Variants in ITSN2 observed in about 807,000 individuals in gnomAD.
ITSN2 encodes the protein intersectin 2, also known as intersectin-2.
In ITSN2, 156 loss-of-function variants were observed where a neutral mutation model predicts 243.7. The ratio of observed to expected loss-of-function variants is 0.64; its 90% CI spans 0.56 to 0.73. ITSN2 has a LOEUF of 0.73. ITSN2 is among the 30% of genes least tolerant of loss of function. The probability of loss-of-function intolerance (pLI) is 0.00; values close to 1 mark genes in which losing one functional copy is unlikely to be tolerated. For synonymous variants in ITSN2, 703 were observed against 699.9 expected, an observed-to-expected ratio of 1.00 and a Z score of -0.07; for missense variants, 1,801 against 1,996.1, an observed-to-expected ratio of 0.90 and a Z score of 1.86.
intron 2 of ITSN2, among the ~76,000 whole-genome samples, chr2:24,323,283 A>C (rs1430221344): frequency 6.6e-6 from 1 of 152,228 alleles, no homozygotes; most frequent in East Asian, 1.9e-4. Flanking sequence ...TCTGATGGTT[A>C]TAGCAGATTT....
At chr2:24,294,813 G>A (rs1402728093) in intron 14 of ITSN2, among the ~76,000 whole-genome samples, 2 of 152,144 alleles carry the variant, frequency 1.3e-5, no homozygotes, top group Admixed American at 1.3e-4. Context: ...AACTCCCAAT[G>A]CAGTACTATT....
In ITSN2 at chr2:24,216,626, C is replaced by T. The variant is rs893223892; in HGVS notation, c.3807-394G>A. ...AAAATTAGCTGGGCATGGTGGTGCACGCCTGTAGTTCCAGCTACTCCGGAG... is the reference window on the plus strand; with the variant it reads ...AAAATTAGCTGGGCATGGTGGTGCATGCCTGTAGTTCCAGCTACTCCGGAG... On this transcript the variant is annotated intron_variant, in intron 31 of 39. Transcript: ENST00000355123. Among the ~76,000 whole-genome samples, 13 of 151,968 alleles carry T rather than the reference C, an allele frequency of 8.6e-5. No homozygotes were observed. The South Asian group carries it at 1.2e-3, about 15-fold the overall frequency.
intron 15 of ITSN2, among the ~76,000 whole-genome samples, chr2:24,292,277 A>G (rs59956591): frequency 0.04 from 6,162 of 152,314 alleles, 236 homozygotes; most frequent in East Asian, 0.21. Flanking sequence ...CACGTCCTCA[A>G]TAAGACATAT....
chr2:24,246,307 A>T lies in ITSN2; in HGVS notation c.3399T>A (p.Ile1133=). 6.2e-7 allele frequency: 1 copy of T among 1,603,766 alleles called. No homozygotes were observed. The highest frequency in any genetic ancestry group is 1.1e-5 in the South Asian group (1 of 90,150). ...TATTTGCTGCATAGTCATACATAGCAATCACCTGACATACTATCACAAGAA... is the reference window on the plus strand; with the variant it reads ...TATTTGCTGCATAGTCATACATAGCTATCACCTGACATACTATCACAAGAA... ...TPAFHPVCQV[I]AMYDYAANNE... Residue 1133 remains isoleucine, a synonymous_variant, in exon 29 of 40, where the codon ATT becomes ATA. Coordinates refer to ENST00000355123, the MANE Select transcript of ITSN2 (RefSeq NM_006277.3).
At chr2:24,263,550 C>T (rs2151408286) in intron 20 of ITSN2, among the ~76,000 whole-genome samples, 1 of 152,266 alleles carries the variant, frequency 6.6e-6, no homozygotes, top group Middle Eastern at 3.4e-3. Context: ...TCCTCTTGTT[C>T]CACCATAAGT....
chr2:24,253,195 C>T (rs1353149635), intron 24 of ITSN2, among the ~76,000 whole-genome samples: 1 of 152,138 alleles, frequency 6.6e-6, no homozygotes, highest in Non-Finnish European at 1.5e-5. Context: ...TTCTTTCTTT[C>T]TAGTTTTATT....
intron 1 of ITSN2, among the ~76,000 whole-genome samples, chr2:24,358,058 C>T (rs1688613848): frequency 6.6e-6 from 1 of 152,156 alleles, no homozygotes; most frequent in Non-Finnish European, 1.5e-5. Flanking sequence ...GGACTACAGG[C>T]GCACGCCACC....
At chr2:24,344,774 A>G (rs1325889648) in intron 1 of ITSN2, among the ~76,000 whole-genome samples, 2 of 152,166 alleles carry the variant, frequency 1.3e-5, no homozygotes, top group Non-Finnish European at 2.9e-5. Context: ...CAACATGGTA[A>G]AACTCCATCT....
chr2:24,349,134 TATC>T (rs1303527016), intron 1 of ITSN2, among the ~76,000 whole-genome samples: 3 of 151,972 alleles, frequency 2.0e-5, no homozygotes, highest in Non-Finnish European at 2.9e-5. Context: ...TCATCATCAT[TATC>T]ATCATCATCA....
At chr2:24,308,787 T>C (rs1482045971) in intron 7 of ITSN2, 31 bp from the exon 8 acceptor site, 4 of 1,144,276 alleles carry the variant, frequency 3.5e-6, no homozygotes, top group African/African-American at 1.6e-5. Context: ...AATTTTTATG[T>C]TACTAAATAA....
chr2:24,310,660 G>A lies in ITSN2; in HGVS notation c.385C>T (p.Gln129Ter). The change falls in exon 6 of 40, where the codon CAG becomes TAG. Residue 129 changes from glutamine to a stop codon, truncating the protein, a stop_gained. Coordinates refer to ENST00000355123, the MANE Select transcript of ITSN2 (RefSeq NM_006277.3). LOFTEE classifies it high-confidence loss of function. Reference protein sequence around the residue: ...MGSMPNLSIPQPLPPAAPITS... With the variant: ...MGSMPNLSIP ...ATAGGTGCAGCTGGAGGCAATGGCT[G>A]AGGAATGGACAGATTGGGCATGCTT... is the stretch of plus-strand genomic sequence containing the variant. 6.2e-7 allele frequency: 1 copy of A among 1,614,124 alleles called. No homozygotes were observed.
At chr2:24,288,804 G>C (rs1047614761) in intron 15 of ITSN2, among the ~76,000 whole-genome samples, 2 of 152,042 alleles carry the variant, frequency 1.3e-5, no homozygotes, top group Admixed American at 6.6e-5. Context: ...GATTTCCTTT[G>C]AGCAAACTCT....
chr2:24,337,948 T>A (rs1323833887), intron 1 of ITSN2, among the ~76,000 whole-genome samples: 1 of 152,134 alleles, frequency 6.6e-6, no homozygotes, highest in Non-Finnish European at 1.5e-5. Flanking sequence ...CAGTTCTCTA[T>A]GAATGTAAAC....
At chr2:24,205,453 C>T (rs1348718315) in intron 37 of ITSN2, 156 bp from the exon 38 acceptor site, 4 of 601,484 alleles carry the variant, frequency 6.7e-6, no homozygotes, top group African/African-American at 1.9e-5. Context: ...TTTCCCCAGG[C>T]TGTGTTGCCT....
chr2:24,215,464 C>T (rs1055479940), intron 32 of ITSN2, among the ~76,000 whole-genome samples: 16 of 152,106 alleles, frequency 1.1e-4, no homozygotes, highest in African/African-American at 3.4e-4. Flanking sequence ...GTCAGGAGTT[C>T]GAAATCAACC....
intron 1 of ITSN2, among the ~76,000 whole-genome samples, chr2:24,329,337 T>G (rs1288094008): frequency 6.6e-6 from 1 of 152,210 alleles, no homozygotes; most frequent in East Asian, 1.9e-4. Context: ...CTTGGCTCAC[T>G]GCAACCTCAC....
rs146897957 is a variant in ITSN2, at chr2:24,269,098, C to T, written c.2355+1573G>A. Among the ~76,000 whole-genome samples, 60 of 150,996 alleles carry T rather than the reference C, an allele frequency of 4.0e-4. 1 individual carries two copies. Among genetic ancestry groups the T allele is most frequent in the Middle Eastern group, 6.8e-3 (2 of 294 alleles). ...CTACTACTAGTCACTCCTTTTAAGG[C>T]TCCACTTCCTCTAATAATTCCTTCA... is the stretch of plus-strand genomic sequence containing the variant. On this transcript the variant is annotated intron_variant, in intron 20 of 39. Transcript: ENST00000355123.
chr2:24,203,362 T>G lies in ITSN2; in HGVS notation c.*264A>C. On this transcript the variant is annotated 3_prime_UTR_variant, in exon 40 of 40. Transcript: ENST00000355123. The stretch of plus-strand genomic sequence containing the variant: ...GTAATACTTTTTATAGCCCTGAAAA[T>G]GGAAACCTTGGCATCTAAACAAACA... 3.0e-6 allele frequency: 1 copy of G among 335,778 alleles called. No individual in the cohort carries two copies. The highest frequency in any genetic ancestry group is 5.4e-6 in the Non-Finnish European group (1 of 184,050). 20.8% of individuals were successfully genotyped at this position (335,778 alleles called of 1,614,324 possible).
chr2:24,285,590 C>G (rs1406592014), intron 16 of ITSN2, among the ~76,000 whole-genome samples: 1 of 152,132 alleles, frequency 6.6e-6, no homozygotes. Context: ...TGCCATGAGC[C>G]TGGGTTTTTA....
Sources: gnomAD v4.1 joint callset for allele counts (sites outside exome capture counted in the v4.1 genomes callset) on GRCh38, gnomAD v4.1.1 for gene constraint, MANE v1.5 for transcripts, NCBI Gene and HGNC (gene_info 2026-07-23, HGNC 2026-07-21) for gene names.